The following AIFM3 variants were observed in gnomAD, a reference collection of about 807,000 sequenced individuals.
AIFM3 encodes AIF family member 3.
A neutral mutation model predicts 82.7 loss-of-function variants in AIFM3; 71 were observed. The ratio of observed to expected loss-of-function variants is 0.86; its 90% CI spans 0.71 to 1.05. The LOEUF is 1.05. Among genes scored for constraint, AIFM3 ranks in the 50% least tolerant of loss-of-function variants. The pLI is 0.00. For synonymous variants in AIFM3, 337 were observed against 329.1 expected, an observed-to-expected ratio of 1.02 and a Z score of -0.26; for missense variants, 748 against 816.7, an observed-to-expected ratio of 0.92 and a Z score of 1.03.
chr22:20,974,646 A>G, intron 7 of AIFM3, 25 bp downstream of exon 7: 2 of 1,613,274 alleles, frequency 1.2e-6, no homozygotes, highest in South Asian at 1.1e-5. Flanking sequence ...CATGAGGGGC[A>G]GGGTGGGAGA....
At chr22:20,968,136 G>T (rs1266653291) in intron 2 of AIFM3, among the ~76,000 whole-genome samples, 161 bp downstream of exon 2, 1 of 152,222 alleles carries the variant, frequency 6.6e-6, no homozygotes, top group Non-Finnish European at 1.5e-5. Context: ...GGAGGGGGTA[G>T]GGGGCCTGGA....
chr22:20,972,073 T>G (rs1326958103), intron 2 of AIFM3, among the ~76,000 whole-genome samples: 1 of 152,056 alleles, frequency 6.6e-6, no homozygotes, highest in African/African-American at 2.4e-5. Flanking sequence ...TGGTTAGTGA[T>G]GAAGGATTCT....
upstream of AIFM3, among the ~76,000 whole-genome samples, chr22:20,966,028 C>G (rs987960531): frequency 2.6e-5 from 4 of 152,170 alleles, no homozygotes; most frequent in East Asian, 5.8e-4. Flanking sequence ...AGTGGGGTGA[C>G]TGGGCTCCAA....
chr22:20,980,116 G>A lies in AIFM3; in HGVS notation c.1749G>A (p.Arg583=). 6.2e-7 allele frequency: 1 copy of A among 1,607,510 alleles called. No individual in the cohort carries two copies. ...VLASGRAIRK[R]EVELFVLHSK... Reference sequence around the variant, plus strand: ...CCTCAGGCCGTGCCATCCGGAAGCGGGAGGTGGAGTGAGTGTGGGTGTGGG... The same window carrying A: ...CCTCAGGCCGTGCCATCCGGAAGCGAGAGGTGGAGTGAGTGTGGGTGTGGG... Residue 583 remains arginine (R), a synonymous_variant, in exon 19 of 21, where the codon CGG becomes CGA. Coordinates refer to ENST00000440238, the MANE Select transcript of AIFM3 (RefSeq NM_001386814.1).
At chr22:20,969,235 G>A (rs554796360) in intron 2 of AIFM3, among the ~76,000 whole-genome samples, 3 of 152,278 alleles carry the variant, frequency 2.0e-5, no homozygotes, top group Admixed American at 6.5e-5. Flanking sequence ...CCTGGGACCC[G>A]TGGCCCCAGG....
At chr22:20,975,867 C>T in intron 9 of AIFM3, 89 bp downstream of exon 9, 2 of 1,441,382 alleles carry the variant, frequency 1.4e-6, no homozygotes, top group East Asian at 2.3e-5. Context: ...TCTTGGTGCT[C>T]TACCTTCCTG....
At chr22:20,968,684 C>T (rs531485732) in intron 2 of AIFM3, among the ~76,000 whole-genome samples, 8 of 152,246 alleles carry the variant, frequency 5.3e-5, no homozygotes, top group African/African-American at 1.9e-4. Context: ...CTTCTCTCCT[C>T]ACAACACCTG....
intron 2 of AIFM3, 62 bp downstream of exon 2, chr22:20,968,037 T>TCCCCCCCC (rs11334069): frequency 6.9e-7 from 1 of 1,451,086 alleles, no homozygotes; most frequent in African/African-American, 1.4e-5. Flanking sequence ...CTCCCCCGTC[T>TCCCCCCCC]CCCCCCCCTC....
chr22:20,971,546 G>T (rs1923267700), intron 2 of AIFM3, among the ~76,000 whole-genome samples: 1 of 152,216 alleles, frequency 6.6e-6, no homozygotes, highest in African/African-American at 2.4e-5. Context: ...AAGGATGGCA[G>T]CCCCAGCCCA....
In AIFM3 at chr22:20,974,060, C is replaced by T. The variant is rs1221359872; in HGVS notation, c.356-3C>T. ...GGCGCAGCCTAACACCTCCCCTTCC[C>T]AGGCGTTCTGTCCCGTGGTCGGGTG... On this transcript the variant is annotated splice_polypyrimidine_tract_variant and splice_region_variant and intron_variant, in intron 4 of 20. Coordinates refer to ENST00000440238, the MANE Select transcript of AIFM3 (RefSeq NM_001386814.1). 6.2e-6 allele frequency: 10 copies of T among 1,603,968 alleles called. No homozygotes were observed. The highest frequency in any genetic ancestry group is 2.0e-4 in the Middle Eastern group (1 of 5,062).
intron 17 of AIFM3, 94 bp from the exon 18 acceptor site, chr22:20,979,533 G>T: frequency 6.6e-7 from 1 of 1,521,054 alleles, no homozygotes; most frequent in Non-Finnish European, 9.1e-7. Flanking sequence ...AAGGACGTAT[G>T]GAGCAGGGCC....
At chr22:20,975,114 C>T (rs1281960891) in intron 8 of AIFM3, among the ~76,000 whole-genome samples, 4 of 152,082 alleles carry the variant, frequency 2.6e-5, no homozygotes, top group Admixed American at 2.6e-4. Context: ...AGGTGTGCAC[C>T]ACCACCATGC....
At chr22:20,973,231 G>A in intron 2 of AIFM3, 76 bp from the exon 3 acceptor site, 1 of 1,510,462 alleles carries the variant, frequency 6.6e-7, no homozygotes. Flanking sequence ...CGAGGAGCTG[G>A]CCTCTGCACC....
chr22:20,980,834 G>A, intron 20 of AIFM3, 67 bp downstream of exon 20: 1 of 1,606,612 alleles, frequency 6.2e-7, no homozygotes, highest in Non-Finnish European at 8.5e-7. Context: ...TCCACCCAAT[G>A]GTCTTATCTC....
At chr22:20,971,199 T>A (rs1040708141) in intron 2 of AIFM3, among the ~76,000 whole-genome samples, 1 of 152,220 alleles carries the variant, frequency 6.6e-6, no homozygotes, top group African/African-American at 2.4e-5. Flanking sequence ...TGGTGTCAGC[T>A]AAGTCCAAAG....
chr22:20,980,500 T>A (rs1018652815), intron 19 of AIFM3: 1 of 608,518 alleles, frequency 1.6e-6, no homozygotes, highest in Non-Finnish European at 2.9e-6. Context: ...GCCCTCCACA[T>A]AGATGGTGGG....
intron 12 of AIFM3, 50 bp from the exon 13 acceptor site, chr22:20,976,817 C>T (rs749216020): frequency 6.3e-6 from 10 of 1,593,756 alleles, no homozygotes; most frequent in Non-Finnish European, 8.6e-6. Context: ...CCCAGCCCGG[C>T]CCCTGGCTGG....
chr22:20,977,266 C>A, intron 14 of AIFM3, 171 bp downstream of exon 14: 2 of 939,052 alleles, frequency 2.1e-6, no homozygotes, highest in Non-Finnish European at 3.2e-6. Flanking sequence ...AAGGTATGTA[C>A]TGGGCTCAGC....
chr22:20,979,534 G>T, intron 17 of AIFM3, 93 bp from the exon 18 acceptor site: 2 of 1,523,328 alleles, frequency 1.3e-6, no homozygotes, highest in South Asian at 1.1e-5. Flanking sequence ...AGGACGTATG[G>T]AGCAGGGCCT....
Sources: gnomAD v4.1 joint callset for allele counts (sites outside exome capture counted in the v4.1 genomes callset) on GRCh38, gnomAD v4.1.1 for gene constraint, MANE v1.5 for transcripts, NCBI Gene and HGNC (gene_info 2026-07-23, HGNC 2026-07-21) for gene names.